The following MICOS10 variants were observed in gnomAD, a reference collection of about 807,000 sequenced individuals.
MICOS10 encodes the protein mitochondrial contact site and cristae organizing system subunit 10.
In MICOS10, 5 loss-of-function variants were observed where a neutral mutation model predicts 13.4. The observed-to-expected ratio is 0.37, with a 90% confidence interval of 0.20 to 0.78. MICOS10 has a LOEUF of 0.78. Ranked by LOEUF, MICOS10 falls within the 30% of genes least tolerant of loss-of-function variation. The pLI is 0.47. For synonymous variants in MICOS10, 35 were observed against 33.6 expected, an observed-to-expected ratio of 1.04 and a Z score of -0.15; for missense variants, 101 against 94.6, an observed-to-expected ratio of 1.07 and a Z score of -0.28.
Position 19,627,139 on chromosome 1 carries a change from C to T in MICOS10, c.*738C>T, listed in dbSNP as rs1009769146. On this transcript the variant is annotated 3_prime_UTR_variant, in exon 4 of 4. Transcript: ENST00000322753. ...CCGATTGGGGTTAATTTTATCTTCA[C>T]GTAGCAGCTGAAGTTTGAGGACAAA... The T allele has an allele frequency of 6.6e-6, 1 of 152,210 alleles. No individual in the cohort carries two copies. The highest frequency in any genetic ancestry group is 2.4e-5 in the African/African-American group (1 of 41,438). 9.4% of individuals were successfully genotyped at this position (152,210 alleles called of 1,614,324 possible).
chr1:19,613,267 C>T (rs1444931911), intron 1 of MICOS10, among the ~76,000 whole-genome samples: 1 of 152,190 alleles, frequency 6.6e-6, no homozygotes, highest in Non-Finnish European at 1.5e-5. Flanking sequence ...TTCTTCAGAT[C>T]TGTCCTCATT....
intron 1 of MICOS10, among the ~76,000 whole-genome samples, chr1:19,621,468 C>G (rs1159952123): frequency 6.6e-6 from 1 of 152,190 alleles, no homozygotes; most frequent in Non-Finnish European, 1.5e-5. Flanking sequence ...AATCCAACAT[C>G]TGGACATGGC....
chr1:19,602,888 T>TG (rs1182005450), intron 1 of MICOS10, among the ~76,000 whole-genome samples: 2 of 152,194 alleles, frequency 1.3e-5, no homozygotes, highest in Non-Finnish European at 2.9e-5. Flanking sequence ...GTCCTCAGCT[T>TG]GGGCTTGTCA....
chr1:19,619,724 G>A (rs1412688395), intron 1 of MICOS10, among the ~76,000 whole-genome samples: 1 of 152,208 alleles, frequency 6.6e-6, no homozygotes, highest in East Asian at 1.9e-4. Flanking sequence ...ATGATGTTCT[G>A]TTGGGCACTA....
intron 1 of MICOS10, among the ~76,000 whole-genome samples, chr1:19,620,098 T>TTGGCTTTTTTCCC (rs2094897955): frequency 6.6e-6 from 1 of 152,268 alleles, no homozygotes; most frequent in Non-Finnish European, 1.5e-5. Flanking sequence ...ACTTTTTCCT[T>TTGGCTTTTTTCCC]TGGCTTTTTT....
rs2094926754 is a variant in MICOS10 at position 19,627,807 on chromosome 1, T to G, written c.*1406T>G. ...TCTGACTCCAGTTCTGGAACATTGA[T>G]TAGACCTTAGTTCTTGCAAGTGCTA... On this transcript the variant is annotated 3_prime_UTR_variant, in exon 4 of 4. Transcript: ENST00000322753. 1 of 152,264 alleles carries G rather than the reference T, an allele frequency of 6.6e-6. No homozygotes were observed. The highest frequency in any genetic ancestry group is 6.5e-5 in the Admixed American group (1 of 15,284). The allele number at this position is 152,264 out of a possible 1,614,324, so 9.4% of individuals were successfully genotyped here. A position where few individuals can be genotyped will look rare whatever the true frequency, so the allele number is the denominator to read the frequency against.
rs2094911229 is a variant in MICOS10 at position 19,623,404 on chromosome 1, T to C, written c.113-70T>C. ...TTTATTGAACCCTAAGTAAATGTAT[T>C]TAAGAGGATGGGGAGCTTTATCTTC... On this transcript the variant is annotated intron_variant, in intron 2 of 3. Coordinates refer to ENST00000322753, the MANE Select transcript of MICOS10 (RefSeq NM_001032363.4). The C allele has an allele frequency of 8.9e-6, 8 of 898,646 alleles. No individual in the cohort carries two copies. In the South Asian group the frequency reaches 1.1e-4, roughly 13 times the overall value. The allele number at this position is 898,646 out of a possible 1,614,324, so 55.7% of individuals were successfully genotyped here.
intron 1 of MICOS10, among the ~76,000 whole-genome samples, chr1:19,619,140 T>G (rs141077841): frequency 1.8e-4 from 27 of 152,370 alleles, no homozygotes; most frequent in African/African-American, 6.5e-4. Context: ...TCTGTTCCTC[T>G]TCAGTGAGTT....
In MICOS10 at chr1:19,629,755, C is replaced by G. The variant is rs1485233583; in HGVS notation, c.*3354C>G. The G allele has an allele frequency of 6.6e-6, 1 of 152,206 alleles. No individual in the cohort carries two copies. Among genetic ancestry groups the G allele is most frequent in the Non-Finnish European group, 1.5e-5 (1 of 68,038 alleles). The allele number at this position is 152,206 out of a possible 1,614,324, so 9.4% of individuals were successfully genotyped here. On this transcript the variant is annotated 3_prime_UTR_variant, in exon 4 of 4. Coordinates refer to ENST00000322753, the MANE Select transcript of MICOS10 (RefSeq NM_001032363.4). ...TGCATTTTACTTGTCGTGGTTCGAT[C>G]TGATTGTATTGTCGAAGGACTATTT...
chr1:19,602,527 G>T (rs1045870050), intron 1 of MICOS10, among the ~76,000 whole-genome samples: 1 of 152,216 alleles, frequency 6.6e-6, no homozygotes, highest in Non-Finnish European at 1.5e-5. Context: ...GAGGGATGAT[G>T]TTGGTTTAAG....
intron 1 of MICOS10, among the ~76,000 whole-genome samples, chr1:19,611,908 G>A (rs1307862953): frequency 1.4e-5 from 2 of 144,886 alleles, no homozygotes; most frequent in African/African-American, 5.3e-5. Context: ...GAAGGTAGAG[G>A]TTGCAGTGAG....
In MICOS10 at chr1:19,622,189, T is replaced by G. The variant is rs139268442; in HGVS notation, c.112+42T>G. 1.9e-4 allele frequency: 283 copies of G among 1,500,412 alleles called. 2 individuals are homozygous for G. The East Asian group carries it at 6.4e-3, about 34-fold the overall frequency. 92.9% of individuals were successfully genotyped at this position (1,500,412 alleles called of 1,614,324 possible). On this transcript the variant is annotated intron_variant, in intron 2 of 3. Transcript: ENST00000322753. ...CTTTTCAACATAATGTCATAGTGTATACATATACGTAGCAGGGACACTTCC... is the reference window on the plus strand; with the variant it reads ...CTTTTCAACATAATGTCATAGTGTAGACATATACGTAGCAGGGACACTTCC...
chr1:19,611,900 A>C (rs1441048566), intron 1 of MICOS10, among the ~76,000 whole-genome samples: 1 of 143,108 alleles, frequency 7.0e-6, no homozygotes, highest in Non-Finnish European at 1.5e-5. Context: ...TGAACCTGGA[A>C]GGTAGAGGTT....
At chr1:19,617,129 ACT>A (rs749778718) in intron 1 of MICOS10, 6 of 189,706 alleles carry the variant, frequency 3.2e-5, no homozygotes, top group Non-Finnish European at 5.9e-5. Context: ...TGCTGTACAC[ACT>A]CATTTAAAAG....
intron 2 of MICOS10, among the ~76,000 whole-genome samples, chr1:19,622,633 T>G (rs557463590): frequency 6.6e-6 from 1 of 152,222 alleles, no homozygotes; most frequent in African/African-American, 2.4e-5. Flanking sequence ...ACCGAATAGA[T>G]GCCAGAGGGA....
At chr1:19,611,081 A>T (rs939155496) in intron 1 of MICOS10, among the ~76,000 whole-genome samples, 6 of 151,626 alleles carry the variant, frequency 4.0e-5, no homozygotes, top group Non-Finnish European at 5.9e-5. Context: ...CCTCCCAAGT[A>T]GCTGGGATTA....
intron 1 of MICOS10, among the ~76,000 whole-genome samples, chr1:19,613,456 C>T (rs1401816110): frequency 6.6e-6 from 1 of 152,202 alleles, no homozygotes; most frequent in African/African-American, 2.4e-5. Context: ...AAGGAGCTTG[C>T]TGTAGCTCCT....
At chr1:19,617,654 G>A (rs1380853949) in intron 1 of MICOS10, among the ~76,000 whole-genome samples, 1 of 152,118 alleles carries the variant, frequency 6.6e-6, no homozygotes, top group Non-Finnish European at 1.5e-5. Flanking sequence ...CAGTTCCAAG[G>A]GTATTTTCTA....
At chr1:19,618,421 C>G (rs985071481) in intron 1 of MICOS10, among the ~76,000 whole-genome samples, 1 of 152,144 alleles carries the variant, frequency 6.6e-6, no homozygotes, top group East Asian at 1.9e-4. Flanking sequence ...GGATTACAGG[C>G]ATGAGCTGCT....
Sources: gnomAD v4.1 joint callset for allele counts (sites outside exome capture counted in the v4.1 genomes callset) on GRCh38, gnomAD v4.1.1 for gene constraint, MANE v1.5 for transcripts, NCBI Gene and HGNC (gene_info 2026-07-23, HGNC 2026-07-21) for gene names.